The following SIRPG variants were observed in gnomAD, a reference collection of about 807,000 sequenced individuals.
SIRPG encodes the protein signal regulatory protein gamma, also known as signal-regulatory protein gamma.
In SIRPG, 38 loss-of-function variants were observed where a neutral mutation model predicts 35.7. That is an observed-to-expected ratio of 1.06 (90% CI 0.82 to 1.40). SIRPG has a LOEUF of 1.40. SIRPG is among the 40% of genes most tolerant of loss of function. The probability of loss-of-function intolerance (pLI) is 0.00; values close to 1 mark genes in which losing one functional copy is unlikely to be tolerated. For missense variants in SIRPG, 519 were observed against 483.0 expected, an observed-to-expected ratio of 1.07 and a Z score of -0.70; for synonymous variants, 215 against 190.4, an observed-to-expected ratio of 1.13 and a Z score of -1.06.
the SIRPG span, among the ~76,000 whole-genome samples, chr20:1,663,641 A>T: frequency 6.6e-6 from 1 of 152,246 alleles, no homozygotes; most frequent in Admixed American, 6.5e-5. Context: ...GTCAACTGTT[A>T]TACGTTTATC....
chr20:1,636,571 G>A (rs1468039896), intron 2 of SIRPG, 66 bp from the exon 3 acceptor site: 10 of 1,512,554 alleles, frequency 6.6e-6, no homozygotes, highest in Admixed American at 3.4e-5. Flanking sequence ...ATGAGTGTGT[G>A]ACACTGTTAA....
chr20:1,649,261 C>T lies in SIRPG; in HGVS notation c.221G>A (p.Arg74Gln), dbSNP rs750582002. 64 of 1,613,952 alleles carry T rather than the reference C, an allele frequency of 4.0e-5. 1 individual carries two copies. Among genetic ancestry groups the T allele is most frequent in the South Asian group, 2.3e-4 (21 of 91,084 alleles). ...TTCTTTTTGATTGTAGATTAATTCC[C>T]GGCCTGGTCCAACTCCTCTGAACCA... ...VLWFRGVGPG[R>Q]ELIYNQKEGH... The change falls in exon 2 of 6, where the codon CGG becomes CAG. Residue 74 changes from arginine (R) to glutamine (Q), a missense_variant. By Grantham distance (43) the Arg-to-Gln change is conservative. Coordinates refer to ENST00000303415, the MANE Select transcript of SIRPG (RefSeq NM_018556.4).
chr20:1,652,790 G>C (rs1295741490), intron 1 of SIRPG, among the ~76,000 whole-genome samples: 1 of 152,116 alleles, frequency 6.6e-6, no homozygotes, highest in African/African-American at 2.4e-5. Context: ...TATTTATCAT[G>C]TGTATTGATT....
the SIRPG span, among the ~76,000 whole-genome samples, chr20:1,676,039 A>G: frequency 2.9e-3 from 438 of 152,284 alleles, 1 homozygote; most frequent in African/African-American, 0.01. Context: ...AAGAGGAGTG[A>G]GCACTTCACT....
At chr20:1,673,509 G>T in the SIRPG span, among the ~76,000 whole-genome samples, 8 of 152,166 alleles carry the variant, frequency 5.3e-5, no homozygotes, top group African/African-American at 1.9e-4. Flanking sequence ...CAGGAGGTTT[G>T]GTCATTACTG....
the SIRPG span, among the ~76,000 whole-genome samples, chr20:1,684,936 C>CTCT: frequency 2.0e-5 from 3 of 152,198 alleles, no homozygotes; most frequent in Non-Finnish European, 4.4e-5. Flanking sequence ...AATTGCTGAA[C>CTCT]TCTTACCACT....
chr20:1,659,247 A>T (rs2091989846), upstream of SIRPG, among the ~76,000 whole-genome samples: 1 of 152,276 alleles, frequency 6.6e-6, no homozygotes, highest in South Asian at 2.1e-4. Context: ...AGACCTGTCC[A>T]GAATCCTTCA....
the SIRPG span, among the ~76,000 whole-genome samples, chr20:1,684,526 T>C: frequency 0.54 from 81,494 of 152,012 alleles, 22,073 homozygotes; most frequent in Admixed American, 0.59. Context: ...AAAATCTCAG[T>C]AAAATATTTG....
the SIRPG span, among the ~76,000 whole-genome samples, chr20:1,673,540 T>C: frequency 6.6e-6 from 1 of 152,098 alleles, no homozygotes; most frequent in Admixed American, 6.5e-5. Flanking sequence ...TACACATTTA[T>C]CCTTTAGGCA....
chr20:1,660,809 G>A (rs2122597589), upstream of SIRPG, among the ~76,000 whole-genome samples: 1 of 152,260 alleles, frequency 6.6e-6, no homozygotes, highest in African/African-American at 2.4e-5. Context: ...GGACACATGA[G>A]AAACTGGGAG....
chr20:1,682,124 TTTGCTTATCTA>T, the SIRPG span, among the ~76,000 whole-genome samples: 1 of 151,984 alleles, frequency 6.6e-6, no homozygotes, highest in African/African-American at 2.4e-5. Flanking sequence ...TACCAAGAGG[TTTGCTTATCTA>T]TTGCTTATCT....
the SIRPG span, among the ~76,000 whole-genome samples, chr20:1,680,552 A>G: frequency 1.3e-5 from 2 of 152,352 alleles, no homozygotes; most frequent in African/African-American, 4.8e-5. Flanking sequence ...TAATGCAAAA[A>G]TACTCAACCA....
chr20:1,661,031 T>C (rs147365940), upstream of SIRPG, among the ~76,000 whole-genome samples: 4 of 152,202 alleles, frequency 2.6e-5, no homozygotes, highest in Non-Finnish European at 5.9e-5. Context: ...AACTAATATA[T>C]GCAAATTACT....
intron 4 of SIRPG, chr20:1,630,582 T>C: frequency 5.4e-6 from 2 of 373,036 alleles, no homozygotes; most frequent in Non-Finnish European, 9.7e-6. Flanking sequence ...GGCAACGGGG[T>C]TCCTCACTTG....
chr20:1,661,029 T>C (rs780144412), upstream of SIRPG, among the ~76,000 whole-genome samples: 3 of 152,226 alleles, frequency 2.0e-5, no homozygotes, highest in Non-Finnish European at 2.9e-5. Context: ...TGAACTAATA[T>C]ATGCAAATTA....
the SIRPG span, among the ~76,000 whole-genome samples, chr20:1,670,621 A>G: frequency 1.3e-5 from 2 of 152,164 alleles, no homozygotes; most frequent in East Asian, 3.9e-4. Flanking sequence ...GAAACTATCT[A>G]GCATAGAGCT....
intron 1 of SIRPG, among the ~76,000 whole-genome samples, chr20:1,650,381 AC>A (rs1305411835): frequency 6.6e-6 from 1 of 152,214 alleles, no homozygotes; most frequent in Admixed American, 6.5e-5. Context: ...AAACACATTC[AC>A]AAAACAAGAA....
chr20:1,631,769 G>A (rs1345452895), intron 4 of SIRPG, among the ~76,000 whole-genome samples: 1 of 152,210 alleles, frequency 6.6e-6, no homozygotes, highest in East Asian at 1.9e-4. Flanking sequence ...AAGCTGGGAT[G>A]GCGTAACCAC....
At chr20:1,658,490 T>G (rs1029232534), upstream of SIRPG, among the ~76,000 whole-genome samples, 2 of 152,070 alleles carry the variant, frequency 1.3e-5, no homozygotes, top group African/African-American at 4.8e-5. Context: ...TTCAATACCC[T>G]TTCTTCTACA....
Sources: allele counts gnomAD v4.1 joint callset (sites outside exome capture counted in the v4.1 genomes callset), GRCh38; gene constraint gnomAD v4.1.1; transcripts MANE v1.5; gene names NCBI Gene and HGNC (gene_info 2026-07-23, HGNC 2026-07-21).